Variants in LRMDA observed in about 807,000 individuals in gnomAD.
The protein encoded by LRMDA is leucine rich melanocyte differentiation associated, also known as leucine-rich melanocyte differentiation-associated protein.
In LRMDA, 18 loss-of-function variants were observed where a neutral mutation model predicts 29.8. The observed-to-expected ratio is 0.60, with a 90% CI of 0.42 to 0.90. The LOEUF (loss-of-function observed/expected upper bound fraction) is 0.90. Ranked by LOEUF, LRMDA falls within the 40% of genes least tolerant of loss-of-function variation. The pLI is 0.00. For synonymous variants in LRMDA, 125 were observed against 109.4 expected, an observed-to-expected ratio of 1.14 and a Z score of -0.89; for missense variants, 273 against 273.9, an observed-to-expected ratio of 1.00 and a Z score of 0.02.
At chr10:76,191,916 G>A (rs1851254373) in intron 5 of LRMDA, among the ~76,000 whole-genome samples, 1 of 152,178 alleles carries the variant, frequency 6.6e-6, no homozygotes, top group South Asian at 2.1e-4. Context: ...AGTGGCACCA[G>A]GTTCAAAATG....
intron 6 of LRMDA, among the ~76,000 whole-genome samples, chr10:76,461,213 G>T (rs567911199): frequency 3.4e-4 from 51 of 152,216 alleles, no homozygotes; most frequent in African/African-American, 1.2e-3. Flanking sequence ...GCAAATATTT[G>T]TGCCTCATCC....
intron 5 of LRMDA, among the ~76,000 whole-genome samples, chr10:76,309,490 G>A (rs757662908): frequency 2.0e-5 from 3 of 152,116 alleles, no homozygotes; most frequent in South Asian, 2.1e-4. Context: ...GAGCAGACTC[G>A]AGCAGGCTTA....
At chr10:75,749,547 C>T (rs1589185846) in intron 2 of LRMDA, among the ~76,000 whole-genome samples, 1 of 150,710 alleles carries the variant, frequency 6.6e-6, no homozygotes, top group Non-Finnish European at 1.5e-5. Flanking sequence ...TATTGGGCCT[C>T]AGTGTAAAAT....
chr10:75,957,597 A>G (rs555413916), intron 2 of LRMDA, among the ~76,000 whole-genome samples: 1 of 152,342 alleles, frequency 6.6e-6, no homozygotes, highest in Admixed American at 6.5e-5. Context: ...GCCCCAGTAC[A>G]GTTTTAATAT....
intron 5 of LRMDA, among the ~76,000 whole-genome samples, chr10:76,091,383 G>T (rs945824488): frequency 1.3e-5 from 2 of 151,238 alleles, no homozygotes; most frequent in African/African-American, 2.4e-5. Context: ...CTGAAGTTTG[G>T]CTCTATTAAC....
At chr10:75,958,478 A>C (rs576562048) in intron 2 of LRMDA, among the ~76,000 whole-genome samples, 2 of 152,286 alleles carry the variant, frequency 1.3e-5, no homozygotes, top group South Asian at 4.1e-4. Context: ...TGGTTTTGGC[A>C]TATCATTTTA....
At chr10:76,137,619 G>A (rs866023018) in intron 5 of LRMDA, among the ~76,000 whole-genome samples, 3 of 152,134 alleles carry the variant, frequency 2.0e-5, no homozygotes, top group Admixed American at 6.6e-5. Context: ...GAGATGTGCT[G>A]TAGCTAGGCC....
chr10:75,782,802 C>T (rs1843406251), intron 2 of LRMDA: 1 of 1,425,726 alleles, frequency 7.0e-7, no homozygotes, highest in Non-Finnish European at 9.2e-7. Context: ...GCAACTTTCA[C>T]TTGTTGAGAA....
At position 76,172,772 on chromosome 10, in the gene LRMDA, G is replaced by A. The variant is rs547853061; in HGVS notation, c.516+113989G>A. Among the ~76,000 whole-genome samples, 5 of 152,288 alleles carry A rather than the reference G, an allele frequency of 3.3e-5. No homozygotes were observed. The East Asian group carries it at 9.6e-4, about 29-fold the overall frequency. On this transcript the variant is annotated intron_variant, in intron 5 of 6. Coordinates refer to ENST00000611255, the MANE Select transcript of LRMDA (RefSeq NM_001305581.2). Reference sequence around the variant, plus strand: ...CAATAGTAGGGCAAGATTAAAGAGTGCTGTGGTCCTGCCTAACAAAACCTA... The same window carrying A: ...CAATAGTAGGGCAAGATTAAAGAGTACTGTGGTCCTGCCTAACAAAACCTA...
chr10:76,532,102 G>T (rs556576131), intron 6 of LRMDA, among the ~76,000 whole-genome samples: 1 of 151,908 alleles, frequency 6.6e-6, no homozygotes, highest in African/African-American at 2.4e-5. Flanking sequence ...AGGTATACGC[G>T]TGCCATGGTG....
intron 6 of LRMDA, among the ~76,000 whole-genome samples, chr10:76,472,203 G>T (rs954143997): frequency 6.6e-6 from 1 of 151,718 alleles, no homozygotes; most frequent in African/African-American, 2.4e-5. Context: ...ATTTAACTGG[G>T]TAAATCATGC....
chr10:76,514,140 G>C (rs529709970), intron 6 of LRMDA, among the ~76,000 whole-genome samples: 4 of 152,074 alleles, frequency 2.6e-5, no homozygotes, highest in Non-Finnish European at 4.4e-5. Flanking sequence ...CCATACTCTC[G>C]TCCCTAAATG....
chr10:75,750,860 C>T (rs1402292909), intron 2 of LRMDA, among the ~76,000 whole-genome samples: 1 of 151,588 alleles, frequency 6.6e-6, no homozygotes, highest in East Asian at 2.0e-4. Flanking sequence ...GGGCTCCTCA[C>T]ATCCCAGATG....
At chr10:75,841,215 T>C (rs576512309) in intron 2 of LRMDA, among the ~76,000 whole-genome samples, 1 of 152,318 alleles carries the variant, frequency 6.6e-6, no homozygotes, top group South Asian at 2.1e-4. Flanking sequence ...CATATTTACA[T>C]GTTGGATGTG....
intron 5 of LRMDA, among the ~76,000 whole-genome samples, chr10:76,138,462 C>G (rs1850137153): frequency 6.6e-6 from 1 of 152,152 alleles, no homozygotes; most frequent in South Asian, 2.1e-4. Context: ...ATTTGCTTGC[C>G]TCCCCCAGGT....
rs542616812 is a variant in LRMDA at position 76,349,510 on chromosome 10, T to A, written c.601+25025T>A. On this transcript the variant is annotated intron_variant, in intron 6 of 6. Coordinates refer to ENST00000611255, the MANE Select transcript of LRMDA (RefSeq NM_001305581.2). ...TTACCTAGTATCTTTCTATGTAGAC[T>A]TATAATCATACCTATTTGATATAAA... Among the ~76,000 whole-genome samples the A allele has an allele frequency of 2.7e-4, 41 of 152,258 alleles. 1 individual carries two copies. The South Asian group carries it at 3.1e-3, about 12-fold the overall frequency.
At chr10:76,179,323 G>A (rs1411858433) in intron 5 of LRMDA, among the ~76,000 whole-genome samples, 1 of 152,148 alleles carries the variant, frequency 6.6e-6, no homozygotes, top group Non-Finnish European at 1.5e-5. Context: ...CCTGAAAGGA[G>A]CTTTTTTTCA....
intron 2 of LRMDA, among the ~76,000 whole-genome samples, chr10:75,631,634 G>A (rs1470193397): frequency 1.3e-5 from 2 of 152,074 alleles, no homozygotes; most frequent in Non-Finnish European, 2.9e-5. Context: ...TTCCTCTCCT[G>A]ACTTTGATTT....
chr10:76,525,483 T>C (rs1843164747), intron 6 of LRMDA, among the ~76,000 whole-genome samples: 2 of 152,186 alleles, frequency 1.3e-5, no homozygotes, highest in South Asian at 4.1e-4. Context: ...CACTTTGTGT[T>C]TCCGCCGTGT....
Sources: gnomAD v4.1 joint callset for allele counts (sites outside exome capture counted in the v4.1 genomes callset) on GRCh38, gnomAD v4.1.1 for gene constraint, MANE v1.5 for transcripts, NCBI Gene and HGNC (gene_info 2026-07-23, HGNC 2026-07-21) for gene names.